SDK1: variants seen among roughly 807,000 people sequenced by gnomAD.
SDK1 encodes the protein protein sidekick-1.
SDK1 carries 157 observed loss-of-function variants against 245.5 expected under a neutral mutation model. The observed-to-expected ratio is 0.64, with a 90% CI of 0.56 to 0.73. The LOEUF (loss-of-function observed/expected upper bound fraction) is 0.73, where lower values mean the gene tolerates loss of function less well. Ranked by LOEUF, SDK1 falls within the 30% of genes least tolerant of loss-of-function variation. The probability of loss-of-function intolerance (pLI) is 0.00; values close to 1 mark genes in which losing one functional copy is unlikely to be tolerated. For missense variants in SDK1, 3,583 were observed against 3,002.3 expected (o/e 1.19, Z -4.52); for synonymous variants, 1,647 against 1,278.5 (o/e 1.29, Z -6.15).
At chr7:3,324,150 C>G (rs1266263283) in intron 1 of SDK1, among the ~76,000 whole-genome samples, 5 of 152,046 alleles carry the variant, frequency 3.3e-5, no homozygotes. Flanking sequence ...GTCGTAGGGT[C>G]AGATTCATTT....
At position 3,863,636 on chromosome 7, in the gene SDK1, G is replaced by A. The variant is rs554514990; in HGVS notation, c.847+42053G>A. ...CTCTATAACTTTTGTTCTACTTTCT[G>A]TCTCTGAATGTTCCTACTCTGTGAA... On this transcript the variant is annotated intron_variant, in intron 5 of 44. Coordinates refer to ENST00000404826, the MANE Select transcript of SDK1 (RefSeq NM_152744.4). 2.8e-3 allele frequency among the ~76,000 whole-genome samples: 420 copies of A among 152,114 alleles called. 6 individuals carry two copies. Among genetic ancestry groups the A allele is most frequent in the Non-Finnish European group, 1.7e-3 (115 of 68,018 alleles).
At chr7:3,367,429 G>T (rs1781120543) in intron 1 of SDK1, among the ~76,000 whole-genome samples, 1 of 152,130 alleles carries the variant, frequency 6.6e-6, no homozygotes, top group South Asian at 2.1e-4. Context: ...AACTGTCACA[G>T]GGCATCATTC....
intron 5 of SDK1, among the ~76,000 whole-genome samples, chr7:3,887,024 G>GAT (rs909797712): frequency 1.8e-4 from 28 of 152,128 alleles, no homozygotes; most frequent in African/African-American, 4.8e-4. Flanking sequence ...TTTTTTGAAT[G>GAT]ATATATTTTT....
At chr7:3,939,984 C>G (rs760574808) in intron 5 of SDK1, among the ~76,000 whole-genome samples, 2 of 152,252 alleles carry the variant, frequency 1.3e-5, no homozygotes, top group African/African-American at 4.8e-5. Context: ...CACCTTGAGA[C>G]GCGTAGGCAA....
chr7:4,221,431 G>C (rs943907467), intron 40 of SDK1, 67 bp downstream of exon 40: 3 of 1,505,262 alleles, frequency 2.0e-6, no homozygotes, highest in African/African-American at 2.8e-5. Flanking sequence ...AGACTGTGTC[G>C]GGGGCTTCCA....
chr7:3,676,717 A>G (rs369082491), intron 4 of SDK1, among the ~76,000 whole-genome samples: 7 of 152,184 alleles, frequency 4.6e-5, no homozygotes, highest in East Asian at 1.9e-4. Context: ...AAGGAGTTCA[A>G]TTTTATTCTT....
intron 1 of SDK1, among the ~76,000 whole-genome samples, chr7:3,405,461 A>G (rs1031990582): frequency 6.6e-6 from 1 of 152,208 alleles, no homozygotes; most frequent in Non-Finnish European, 1.5e-5. Flanking sequence ...AGTATGCCAC[A>G]AAATTTGAAT....
chr7:3,819,112 T>C (rs534661206), intron 4 of SDK1, among the ~76,000 whole-genome samples: 1 of 152,354 alleles, frequency 6.6e-6, no homozygotes, highest in African/African-American at 2.4e-5. Context: ...AGTCAGTCTC[T>C]TGTAGAAATG....
At chr7:3,983,739 G>C (rs973113588) in intron 13 of SDK1, among the ~76,000 whole-genome samples, 6 of 152,106 alleles carry the variant, frequency 3.9e-5, no homozygotes, top group African/African-American at 1.4e-4. Context: ...ATTATCAAGG[G>C]GATTTTCACA....
chr7:3,459,033 A>C (rs192902667), intron 1 of SDK1, among the ~76,000 whole-genome samples: 3 of 152,356 alleles, frequency 2.0e-5, no homozygotes, highest in East Asian at 3.9e-4. Context: ...ACGTAAACAC[A>C]GACCAAAAAA....
At chr7:3,342,671 A>G (rs925193045) in intron 1 of SDK1, among the ~76,000 whole-genome samples, 5 of 152,230 alleles carry the variant, frequency 3.3e-5, no homozygotes, top group Non-Finnish European at 7.3e-5. Context: ...ATCACAATCC[A>G]TAAAAGAAAA....
At chr7:3,764,755 G>C (rs1253208949) in intron 4 of SDK1, among the ~76,000 whole-genome samples, 1 of 151,888 alleles carries the variant, frequency 6.6e-6, no homozygotes, top group Non-Finnish European at 1.5e-5. Context: ...TAATATTCTA[G>C]CTTTGATATA....
chr7:3,437,769 TA>T (rs1171703218), intron 1 of SDK1, among the ~76,000 whole-genome samples: 1 of 152,076 alleles, frequency 6.6e-6, no homozygotes, highest in African/African-American at 2.4e-5. Flanking sequence ...TTAATAATAC[TA>T]AAAAAATTAG....
rs749006657 is a variant in SDK1 at position 4,132,277 on chromosome 7, C to G, written c.4130-48C>G. ...AATCCTGTGTAACCTGTCACGCACC[C>G]AAGGAACACTGTCTTGAGATCTGAA... On this transcript the variant is annotated intron_variant, in intron 27 of 44. Coordinates refer to ENST00000404826, the MANE Select transcript of SDK1 (RefSeq NM_152744.4). 3 of 1,468,220 alleles carry G rather than the reference C, an allele frequency of 2.0e-6. No individual in the cohort carries two copies. In the South Asian group the frequency reaches 3.5e-5, roughly 17 times the overall value. 90.9% of individuals were successfully genotyped at this position (1,468,220 alleles called of 1,614,324 possible). A position where few individuals can be genotyped will look rare whatever the true frequency, so the allele number is the denominator to read the frequency against.
chr7:4,188,581 G>A (rs1428799706), intron 35 of SDK1, among the ~76,000 whole-genome samples: 1 of 151,562 alleles, frequency 6.6e-6, no homozygotes, highest in Non-Finnish European at 1.5e-5. Flanking sequence ...CTCCATATCT[G>A]AGGCATCTCT....
chr7:3,617,599 C>A (rs539405248), intron 1 of SDK1, among the ~76,000 whole-genome samples: 52 of 152,290 alleles, frequency 3.4e-4, no homozygotes, highest in Admixed American at 6.5e-4. Flanking sequence ...GACAGTTCAA[C>A]AACATGGCAG....
At chr7:3,830,426 A>C (rs1779885221) in intron 5 of SDK1, among the ~76,000 whole-genome samples, 1 of 152,142 alleles carries the variant, frequency 6.6e-6, no homozygotes, top group South Asian at 2.1e-4. Flanking sequence ...ATATTCAGAT[A>C]TTTAAGCATA....
At position 3,789,492 on chromosome 7, in the gene SDK1, G is replaced by A. The variant is rs923236629; in HGVS notation, c.714-31958G>A. On this transcript the variant is annotated intron_variant, in intron 4 of 44. Coordinates refer to ENST00000404826, the MANE Select transcript of SDK1 (RefSeq NM_152744.4). ...TACAGGTATAAATAAGTGTTCCTAA[G>A]CAACCCTTCTTAAAATTAGTTATTT... is the stretch of plus-strand genomic sequence containing the variant. Among the ~76,000 whole-genome samples, 12 of 152,290 alleles carry A rather than the reference G, an allele frequency of 7.9e-5. 1 individual carries two copies. The highest frequency in any genetic ancestry group is 1.8e-4 in the Non-Finnish European group (12 of 68,020).
intron 5 of SDK1, among the ~76,000 whole-genome samples, chr7:3,898,891 A>G (rs1781690759): frequency 6.6e-6 from 1 of 152,202 alleles, no homozygotes; most frequent in Non-Finnish European, 1.5e-5. Context: ...TAATCAGTTT[A>G]AGGAAATATT....
Sources: gnomAD v4.1 joint callset for allele counts (sites outside exome capture counted in the v4.1 genomes callset) on GRCh38, gnomAD v4.1.1 for gene constraint, MANE v1.5 for transcripts, NCBI Gene and HGNC (gene_info 2026-07-23, HGNC 2026-07-21) for gene names.